Variants in ADPRHL1 observed in about 807,000 individuals in gnomAD.
ADPRHL1 encodes inactive ADP-ribosyltransferase ARH2.
Under a neutral mutation model 44.1 loss-of-function variants are expected in ADPRHL1, and 43 were observed. The observed-to-expected ratio is 0.98, with a 90% CI of 0.76 to 1.26. The LOEUF is 1.26. ADPRHL1 is among the 50% of genes most tolerant of loss of function. ADPRHL1 has a pLI of 0.00. For missense variants in ADPRHL1, 2,022 were observed against 2,496.9 expected, an observed-to-expected ratio of 0.81 and a Z score of 4.05; for synonymous variants, 878 against 1,017.4, an observed-to-expected ratio of 0.86 and a Z score of 2.61.
At chr13:113,421,117 C>T (rs1379469144) in intron 7 of ADPRHL1, among the ~76,000 whole-genome samples, 1 of 146,594 alleles carries the variant, frequency 6.8e-6, no homozygotes, top group Non-Finnish European at 1.5e-5. Flanking sequence ...CATGCCTATC[C>T]CCAGGACAGA....
In ADPRHL1 at chr13:113,404,751, G is replaced by GCCC. The variant is rs1299907594; in HGVS notation, c.4530_4531insGGG (p.Trp1510_Gln1511insGly). On this transcript the variant is annotated inframe_insertion, in exon 8 of 8. Transcript: ENST00000612156. ...TGCCCCTGGGCCTCTATCTGGGTCT[G>GCCC]CCACTGGGCCTGTTCTTGAGCGTGT... is the stretch of plus-strand genomic sequence containing the variant. 1 of 1,273,700 alleles carries GCCC rather than the reference G, an allele frequency of 7.9e-7. No individual in the cohort carries two copies. Among genetic ancestry groups the GCCC allele is most frequent in the Admixed American group, 4.1e-5 (1 of 24,192 alleles). 78.9% of individuals were successfully genotyped at this position (1,273,700 alleles called of 1,614,324 possible). A position where few individuals can be genotyped will look rare whatever the true frequency, so the allele number is the denominator to read the frequency against.
At chr13:113,433,465 C>A (rs1450378054) in intron 3 of ADPRHL1, among the ~76,000 whole-genome samples, 3 of 152,194 alleles carry the variant, frequency 2.0e-5, no homozygotes, top group Non-Finnish European at 1.5e-5. Context: ...TGAAAACAGG[C>A]CTTAAGCAAA....
intron 2 of ADPRHL1, among the ~76,000 whole-genome samples, chr13:113,435,040 GGTGTA>G (rs1184103652): frequency 1.2e-4 from 16 of 137,862 alleles, no homozygotes; most frequent in Non-Finnish European, 2.0e-4. Context: ...AGTGAACATA[GGTGTA>G]CCCCAGGACC....
intron 2 of ADPRHL1, among the ~76,000 whole-genome samples, chr13:113,438,235 G>C (rs1033340516): frequency 5.9e-5 from 9 of 152,140 alleles, no homozygotes; most frequent in Non-Finnish European, 1.2e-4. Context: ...GACAGCACTT[G>C]CTACATTTTT....
rs188267918 is a variant in ADPRHL1, at chr13:113,422,596, A to G, written c.1061+230T>C. Reference sequence around the variant, plus strand: ...AGGTCCAAGTGCGGCAAATCTACGCAGTGTCAATGTTGATGGTGGAGGACG... The same window carrying G: ...AGGTCCAAGTGCGGCAAATCTACGCGGTGTCAATGTTGATGGTGGAGGACG... On this transcript the variant is annotated intron_variant, in intron 7 of 7. Transcript: ENST00000612156. 2.9e-3 allele frequency: 1,748 copies of G among 594,756 alleles called. 9 individuals carry two copies. The highest frequency in any genetic ancestry group is 3.3e-3 in the Non-Finnish European group (1,154 of 347,896). 36.8% of individuals were successfully genotyped at this position (594,756 alleles called of 1,614,324 possible). A position where few individuals can be genotyped will look rare whatever the true frequency, so the allele number is the denominator to read the frequency against.
Position 113,422,686 on chromosome 13 carries a change from A to T in ADPRHL1, c.1061+140T>A. On this transcript the variant is annotated intron_variant, in intron 7 of 7. Transcript: ENST00000612156. ...CAGTTAGGATTCTGAAATTGGAAAC[A>T]GAGAGTTAGATGTGGCCAGTCAGGC... is the stretch of plus-strand genomic sequence containing the variant. The T allele has an allele frequency of 3.9e-6, 4 of 1,032,512 alleles. No individual in the cohort carries two copies. The South Asian group carries it at 6.6e-5, about 17-fold the overall frequency. The allele number at this position is 1,032,512 out of a possible 1,614,324, so 64.0% of individuals were successfully genotyped here. A position where few individuals can be genotyped will look rare whatever the true frequency, so the allele number is the denominator to read the frequency against.
Position 113,405,627 on chromosome 13 carries a change from C to G in ADPRHL1, c.3655G>C (p.Ala1219Pro). The change falls in exon 8 of 8, where the codon GCC becomes CCC. Residue 1219 changes from alanine to proline, a missense_variant. Physicochemically the swap from Ala to Pro is conservative, Grantham distance 27. Coordinates refer to ENST00000612156, the MANE Select transcript of ADPRHL1 (RefSeq NM_001394807.1). ...AATCGGGCCGCCTCTGGGTGCCGGG[C>G]GAGGGCCGCAGCATCCTCCGGGTGG... ...ARHPEDAAALARHPEAARLYI... is the reference protein window; with the variant it reads ...ARHPEDAAALPRHPEAARLYI... The G allele has an allele frequency of 2.4e-6, 3 of 1,232,722 alleles. No individual in the cohort carries two copies. Among genetic ancestry groups the G allele is most frequent in the Admixed American group, 8.4e-5 (2 of 23,720 alleles). 76.4% of individuals were successfully genotyped at this position (1,232,722 alleles called of 1,614,324 possible).
intron 2 of ADPRHL1, among the ~76,000 whole-genome samples, chr13:113,435,435 A>T (rs376974875): frequency 9.3e-6 from 1 of 107,378 alleles, no homozygotes; most frequent in Non-Finnish European, 1.9e-5. Flanking sequence ...CCCGGGACCC[A>T]GCACCCAGGT....
At chr13:113,444,914 C>T (rs1048801447) in intron 1 of ADPRHL1, among the ~76,000 whole-genome samples, 7 of 152,200 alleles carry the variant, frequency 4.6e-5, no homozygotes, top group Non-Finnish European at 5.9e-5. Flanking sequence ...TGAGCCACTG[C>T]ACCCAGCCCC....
chr13:113,447,527 C>G (rs1595557424), intron 1 of ADPRHL1, among the ~76,000 whole-genome samples: 2 of 152,274 alleles, frequency 1.3e-5, no homozygotes, highest in South Asian at 4.1e-4. Flanking sequence ...TGCATGGTGT[C>G]TACACTCACG....
chr13:113,403,776 C>A lies in ADPRHL1; in HGVS notation c.5506G>T (p.Gly1836Trp), dbSNP rs993822984. The change falls in exon 8 of 8, where the codon GGG (glycine) becomes TGG (tryptophan). Residue 1836 changes from glycine to tryptophan, a missense_variant. Transcript: ENST00000612156. ...AEGVDAAGRS[G>W]GSRSPAPRDG... is the part of the protein sequence containing the mutation. ...CTGGGGGCTGGGCTTCTGGACCCCC[C>A]ACTCCTGCCAGCAGCATCCACTCCC... is the stretch of plus-strand genomic sequence containing the variant. The A allele has an allele frequency of 3.2e-6, 4 of 1,233,198 alleles. No homozygotes were observed. Among genetic ancestry groups the A allele is most frequent in the Admixed American group, 4.2e-5 (1 of 23,728 alleles). 76.4% of individuals were successfully genotyped at this position (1,233,198 alleles called of 1,614,324 possible).
intron 1 of ADPRHL1, among the ~76,000 whole-genome samples, chr13:113,452,834 T>G (rs572605268): frequency 6.6e-6 from 1 of 152,324 alleles, no homozygotes; most frequent in African/African-American, 2.4e-5. Context: ...AGGCTTAATC[T>G]CTGCAGCGAG....
At chr13:113,428,763 C>G (rs917105958) in intron 4 of ADPRHL1, among the ~76,000 whole-genome samples, 189 bp downstream of exon 4, 6 of 152,262 alleles carry the variant, frequency 3.9e-5, no homozygotes. Flanking sequence ...CAGGTCAGGG[C>G]AGAGGCAGAC....
In ADPRHL1 at chr13:113,407,613, GCTCGAACTT is replaced by G. The variant is rs1418354531; in HGVS notation, c.1660_1668del (p.Lys554_Glu556del). ...GCCTCGGAGCACAGGCAGCTGTTCTGCTCGAACTTCTCCCGCAGCTTGGACAGCACCGAG... is the reference window on the plus strand; with the variant it reads ...GCCTCGGAGCACAGGCAGCTGTTCTGCTCCCGCAGCTTGGACAGCACCGAG... On this transcript the variant is annotated inframe_deletion, in exon 8 of 8. Transcript: ENST00000612156. 2.4e-6 allele frequency: 3 copies of G among 1,232,152 alleles called. No individual in the cohort carries two copies. In the African/African-American group the frequency reaches 4.6e-5, roughly 19 times the overall value. 76.3% of individuals were successfully genotyped at this position (1,232,152 alleles called of 1,614,324 possible). A position where few individuals can be genotyped will look rare whatever the true frequency, so the allele number is the denominator to read the frequency against.
chr13:113,407,481 T>G lies in ADPRHL1; in HGVS notation c.1801A>C (p.Thr601Pro). Residue 601 changes from threonine (T) to proline (P), a missense_variant, in exon 8 of 8, where the codon ACC (threonine) becomes CCC (proline). Physicochemically the swap from Thr to Pro is conservative, Grantham distance 38. Transcript: ENST00000612156. ...RVLHTATMAS[T>P]CVKMPPARFL... ...CGGGCAGGGGGCATCTTGACGCAGG[T>G]GCTGGCCATGGTGGCCGTGTGCAGC... The G allele has an allele frequency of 8.1e-7, 1 of 1,232,046 alleles. No homozygotes were observed. The highest frequency in any genetic ancestry group is 1.0e-6 in the Non-Finnish European group (1 of 988,020). The allele number at this position is 1,232,046 out of a possible 1,614,324, so 76.3% of individuals were successfully genotyped here.
Position 113,403,387 on chromosome 13 carries a change from G to T in ADPRHL1, c.5895C>A (p.Leu1965=). The T allele has an allele frequency of 8.1e-7, 1 of 1,232,098 alleles. No individual in the cohort carries two copies. The allele number at this position is 1,232,098 out of a possible 1,614,324, so 76.3% of individuals were successfully genotyped here. A position where few individuals can be genotyped will look rare whatever the true frequency, so the allele number is the denominator to read the frequency against. Residue 1965 remains leucine, a synonymous_variant, in exon 8 of 8, where the codon CTC becomes CTA. Transcript: ENST00000612156. ...MSVRASDTSE[L]PK ...GTGTGTACTCGGGGCCTCACTTTGG[G>T]AGCTCAGACGTGTCGCTGGCCCTGA...
intron 7 of ADPRHL1, among the ~76,000 whole-genome samples, chr13:113,415,401 G>A (rs1171932249): frequency 6.6e-6 from 1 of 152,236 alleles, no homozygotes; most frequent in Non-Finnish European, 1.5e-5. Context: ...AGGCCAGCCA[G>A]GCGTGGGCTC....
intron 1 of ADPRHL1, among the ~76,000 whole-genome samples, chr13:113,449,581 C>T (rs549456053): frequency 6.6e-5 from 10 of 152,172 alleles, no homozygotes; most frequent in African/African-American, 1.9e-4. Flanking sequence ...GGAGGCAGCC[C>T]GGTTCAGAGA....
chr13:113,407,092 G>A lies in ADPRHL1; in HGVS notation c.2190C>T (p.Ala730=). ...CGGCTGATCCGGTGCCCCAAGGGCTGGCCGGTCCCAGTGGGGATGATGCAG... is the reference window on the plus strand; with the variant it reads ...CGGCTGATCCGGTGCCCCAAGGGCTAGCCGGTCCCAGTGGGGATGATGCAG... The part of the protein sequence containing the change: ...LVPASSPLGP[A]SPWGTGSAGG... Residue 730 remains alanine, a synonymous_variant, in exon 8 of 8, where the codon GCC becomes GCT. Coordinates refer to ENST00000612156, the MANE Select transcript of ADPRHL1 (RefSeq NM_001394807.1). 1 of 1,232,320 alleles carries A rather than the reference G, an allele frequency of 8.1e-7. No homozygotes were observed. Among genetic ancestry groups the A allele is most frequent in the South Asian group, 4.1e-5 (1 of 24,326 alleles). 76.3% of individuals were successfully genotyped at this position (1,232,320 alleles called of 1,614,324 possible). A position where few individuals can be genotyped will look rare whatever the true frequency, so the allele number is the denominator to read the frequency against.
Sources: allele counts gnomAD v4.1 joint callset (sites outside exome capture counted in the v4.1 genomes callset), GRCh38; gene constraint gnomAD v4.1.1; transcripts MANE v1.5; gene names NCBI Gene and HGNC (gene_info 2026-07-23, HGNC 2026-07-21).